SFXN5: variants seen among roughly 807,000 people sequenced by gnomAD.
SFXN5 encodes the protein sideroflexin 5, also known as sideroflexin-5.
A neutral mutation model predicts 50.2 loss-of-function variants in SFXN5; 43 were observed. The ratio of observed to expected loss-of-function variants is 0.86; its 90% CI spans 0.67 to 1.11. The LOEUF (loss-of-function observed/expected upper bound fraction) is 1.11, where lower values mean the gene tolerates loss of function less well. Ranked by LOEUF, SFXN5 falls within the 50% of genes least tolerant of loss-of-function variation. The pLI, the probability that SFXN5 is intolerant of heterozygous loss-of-function variation, is 0.00. For missense variants in SFXN5, 463 were observed against 454.1 expected (o/e 1.02, Z -0.18); for synonymous variants, 203 against 185.8 (o/e 1.09, Z -0.75).
intron 13 of SFXN5, among the ~76,000 whole-genome samples, chr2:72,947,320 C>T (rs991289010): frequency 1.3e-5 from 2 of 152,206 alleles, no homozygotes; most frequent in Non-Finnish European, 1.5e-5. Context: ...GACGGGGTTC[C>T]CCTGGAGACA....
intron 1 of SFXN5, among the ~76,000 whole-genome samples, chr2:73,066,015 G>A (rs2106066693): frequency 6.6e-6 from 1 of 152,322 alleles, no homozygotes; most frequent in Non-Finnish European, 1.5e-5. Flanking sequence ...GAAGAGGAAA[G>A]GAAGCAAAGC....
chr2:73,013,916 T>G (rs1161715219), intron 6 of SFXN5, among the ~76,000 whole-genome samples: 3 of 152,140 alleles, frequency 2.0e-5, no homozygotes, highest in Non-Finnish European at 2.9e-5. Context: ...ATTGTTCCCA[T>G]GGATGTTTTT....
intron 10 of SFXN5, among the ~76,000 whole-genome samples, chr2:72,976,599 G>C (rs569877195): frequency 3.9e-5 from 6 of 152,316 alleles, no homozygotes; most frequent in Admixed American, 2.6e-4. Flanking sequence ...ACAAAAAGCA[G>C]TGGTGGCCAC....
chr2:73,022,558 T>A lies in SFXN5; in HGVS notation c.295A>T (p.Thr99Ser). ...AATGGCATGAAGATCTTCTCATTGG[T>A]GTCCGGATGTAGAATAGCCTGGCAA... ...KIKQAILHPD[T>S]NEKIFMPFRM... Residue 99 changes from threonine to serine, a missense_variant, in exon 5 of 14, where the codon ACC (threonine) becomes TCC (serine). Transcript: ENST00000272433. 2 of 1,519,498 alleles carry A rather than the reference T, an allele frequency of 1.3e-6. No individual in the cohort carries two copies. Among genetic ancestry groups the A allele is most frequent in the Non-Finnish European group, 1.8e-6 (2 of 1,125,292 alleles). 94.1% of individuals were successfully genotyped at this position (1,519,498 alleles called of 1,614,324 possible). A position where few individuals can be genotyped will look rare whatever the true frequency, so the allele number is the denominator to read the frequency against.
At chr2:73,058,888 G>T in intron 1 of SFXN5, 2 of 391,858 alleles carry the variant, frequency 5.1e-6, no homozygotes, top group African/African-American at 2.0e-5. Flanking sequence ...TCTATTCTGA[G>T]CCTATTAAAA....
At chr2:73,045,826 G>A (rs571868777) in intron 2 of SFXN5, among the ~76,000 whole-genome samples, 1 of 151,576 alleles carries the variant, frequency 6.6e-6, no homozygotes, top group Admixed American at 6.6e-5. Context: ...AGCAGTCCTG[G>A]AACCCCCAGG....
chr2:72,961,728 G>A lies in SFXN5; in HGVS notation c.828-480C>T, dbSNP rs950646696. ...ACAAAGCACATACATATGGGCACAC[G>A]CCAGCCAGGAGGGGGTGATCCTCCT... On this transcript the variant is annotated intron_variant, in intron 12 of 13. Coordinates refer to ENST00000272433, the MANE Select transcript of SFXN5 (RefSeq NM_144579.3). The surrounding 1 kb of genome is among the most constrained non-coding windows in gnomAD (Gnocchi z 4.4). Among the ~76,000 whole-genome samples the A allele has an allele frequency of 2.0e-5, 3 of 152,186 alleles. No homozygotes were observed. The highest frequency in any genetic ancestry group is 1.3e-4 in the Admixed American group (2 of 15,282).
chr2:73,033,524 A>C (rs962115873), intron 3 of SFXN5, among the ~76,000 whole-genome samples: 2 of 152,216 alleles, frequency 1.3e-5, no homozygotes, highest in African/African-American at 4.8e-5. Context: ...ATTGGAGGAA[A>C]CACTTGAAGG....
chr2:73,029,429 G>T (rs925838424), intron 3 of SFXN5, among the ~76,000 whole-genome samples: 3 of 150,404 alleles, frequency 2.0e-5, no homozygotes, highest in African/African-American at 7.3e-5. Flanking sequence ...CAAATGAGCA[G>T]TTTTTTTTTT....
At chr2:73,052,179 G>A (rs1455278850) in intron 2 of SFXN5, among the ~76,000 whole-genome samples, 1 of 152,098 alleles carries the variant, frequency 6.6e-6, no homozygotes, top group East Asian at 1.9e-4. Flanking sequence ...CTCAGACCTG[G>A]AATCCACCAT....
chr2:73,008,080 G>A (rs1674954515), intron 6 of SFXN5, among the ~76,000 whole-genome samples: 1 of 152,268 alleles, frequency 6.6e-6, no homozygotes, highest in Admixed American at 6.5e-5. Flanking sequence ...GATGTCAGGA[G>A]GGCCCTGGGA....
intron 3 of SFXN5, among the ~76,000 whole-genome samples, chr2:73,033,618 G>T (rs1417025763): frequency 6.6e-6 from 1 of 152,194 alleles, no homozygotes; most frequent in Admixed American, 6.5e-5. Flanking sequence ...GCAGAAGTGG[G>T]CCTGTCTGGT....
In SFXN5 at chr2:72,943,517, G is replaced by A. The variant is rs1048128475; in HGVS notation, c.*1505C>T. 8 of 152,866 alleles carry A rather than the reference G, an allele frequency of 5.2e-5. No homozygotes were observed. Among genetic ancestry groups the A allele is most frequent in the African/African-American group, 1.2e-4 (5 of 41,454 alleles). The allele number at this position is 152,866 out of a possible 1,614,324, so 9.5% of individuals were successfully genotyped here. ...CCCAGGCTCTGCTTCCCTTTGTACA[G>A]CTTGCTCTTCCTTCCTGGTCTGCAA... is the stretch of plus-strand genomic sequence containing the variant. On this transcript the variant is annotated 3_prime_UTR_variant, in exon 14 of 14. Transcript: ENST00000272433.
At chr2:73,019,714 C>T (rs1047171214) in intron 6 of SFXN5, 1 of 154,066 alleles carries the variant, frequency 6.5e-6, no homozygotes, top group Non-Finnish European at 1.4e-5. Flanking sequence ...AGGCGTGAGC[C>T]ACCGCGCCCA....
intron 3 of SFXN5, among the ~76,000 whole-genome samples, chr2:73,038,649 A>T (rs1435793582): frequency 6.6e-6 from 1 of 152,134 alleles, no homozygotes; most frequent in African/African-American, 2.4e-5. Context: ...TTCTTCAATA[A>T]AATGAACCTT....
chr2:73,047,259 T>TATATATATATATATACACAC (rs1680553174), intron 2 of SFXN5, among the ~76,000 whole-genome samples: 2 of 73,496 alleles, frequency 2.7e-5, no homozygotes, highest in Non-Finnish European at 5.1e-5. Context: ...TATATATATA[T>TATATATATATATATACACAC]ATATATATAT....
At chr2:72,955,638 A>T (rs1673009283) in intron 13 of SFXN5, among the ~76,000 whole-genome samples, 1 of 152,252 alleles carries the variant, frequency 6.6e-6, no homozygotes, top group Non-Finnish European at 1.5e-5. Context: ...GCTCCCAGGT[A>T]GGGAACACCG....
chr2:73,048,700 G>C (rs1680835960), intron 2 of SFXN5, among the ~76,000 whole-genome samples: 1 of 152,188 alleles, frequency 6.6e-6, no homozygotes, highest in Admixed American at 6.5e-5. Context: ...AATTGTTAGG[G>C]ATGCTAAGTT....
At chr2:73,070,228 G>A (rs904397441) in intron 1 of SFXN5, among the ~76,000 whole-genome samples, 1 of 152,148 alleles carries the variant, frequency 6.6e-6, no homozygotes, top group Non-Finnish European at 1.5e-5. Context: ...CGCCCTAGAT[G>A]GCCTCCTACA....
Sources: allele counts gnomAD v4.1 joint callset (sites outside exome capture counted in the v4.1 genomes callset), GRCh38; gene constraint gnomAD v4.1.1; non-coding constraint Gnocchi (gnomAD v3.1); transcripts MANE v1.5; gene names NCBI Gene and HGNC (gene_info 2026-07-23, HGNC 2026-07-21).